Variants in PNRC1 observed in about 807,000 individuals in gnomAD.
PNRC1 encodes the protein proline rich nuclear receptor coactivator 1.
Under a neutral mutation model 20.2 loss-of-function variants are expected in PNRC1, and 6 were observed. The observed-to-expected ratio is 0.30, with a 90% CI of 0.16 to 0.59. PNRC1 has a LOEUF of 0.59. PNRC1 is among the 20% of genes least tolerant of loss of function. The pLI, the probability that PNRC1 is intolerant of heterozygous loss-of-function variation, is 0.89. For synonymous variants in PNRC1, 202 were observed against 186.9 expected (o/e 1.08, Z -0.66); for missense variants, 488 against 430.2 (o/e 1.13, Z -1.19).
chr6:89,081,612 A>C (rs925675500), intron 1 of PNRC1, among the ~76,000 whole-genome samples, 178 bp downstream of exon 1: 1 of 151,380 alleles, frequency 6.6e-6, no homozygotes, highest in African/African-American at 2.4e-5. Context: ...TGGGGGAAGA[A>C]GGGGGAAGGG....
In PNRC1 at chr6:89,081,166, G is replaced by C. The variant is rs769003319; in HGVS notation, c.272G>C (p.Arg91Pro). The C allele has an allele frequency of 1.9e-6, 3 of 1,595,924 alleles. No individual in the cohort carries two copies. In the South Asian group the frequency reaches 3.3e-5, roughly 18 times the overall value. ...CTCGCCGTGGCGGGAGGCACTCCTC[G>C]GGCAGCGCCGAAGAAGCGGCGAAAG... ...RSLAVAGGTP[R>P]AAPKKRRKKK... The change falls in exon 1 of 2, where the codon CGG becomes CCG. Residue 91 changes from arginine to proline, a missense_variant. Transcript: ENST00000336032.
chr6:89,081,238 A>G lies in PNRC1; in HGVS notation c.344A>G (p.His115Arg). The change falls in exon 1 of 2, where the codon CAC becomes CGC. Residue 115 changes from histidine to arginine, a missense_variant. Physicochemically the swap from His to Arg is conservative, Grantham distance 29. Transcript: ENST00000336032. ...SPAGQLPSRF[H>R]QYQQHRPSLE... ...GCAGGGCAGCTGCCCAGCCGCTTCC[A>G]CCAGTACCAGCAGCACCGGCCGAGT... The G allele has an allele frequency of 6.4e-7, 1 of 1,553,150 alleles. No individual in the cohort carries two copies.
Position 89,084,340 on chromosome 6 carries a change from GTATTA to G in PNRC1, c.*149_*153del, listed in dbSNP as rs1416579698. ...TTAAAAAATTACATACAAACAGCTTGTATTATATTTTATATTTTGTAAATACTGTA... is the reference window on the plus strand; with the variant it reads ...TTAAAAAATTACATACAAACAGCTTGTATTTTATATTTTGTAAATACTGTA... On this transcript the variant is annotated 3_prime_UTR_variant, in exon 2 of 2. Transcript: ENST00000336032. 1.0e-5 allele frequency: 6 copies of G among 586,880 alleles called. No homozygotes were observed. The highest frequency in any genetic ancestry group is 3.5e-5 in the Admixed American group (1 of 28,776). 36.4% of individuals were successfully genotyped at this position (586,880 alleles called of 1,614,324 possible).
rs1467887861 is a variant in PNRC1, at chr6:89,084,384, G to A, written c.*188G>A. 8 of 514,228 alleles carry A rather than the reference G, an allele frequency of 1.6e-5. No homozygotes were observed. Among genetic ancestry groups the A allele is most frequent in the Non-Finnish European group, 2.8e-5 (8 of 286,762 alleles). The allele number at this position is 514,228 out of a possible 1,614,324, so 31.9% of individuals were successfully genotyped here. On this transcript the variant is annotated 3_prime_UTR_variant, in exon 2 of 2. Coordinates refer to ENST00000336032, the MANE Select transcript of PNRC1 (RefSeq NM_006813.3). ...GTAAATACTGTATACCATGTATTAT[G>A]TGTATATTGTTCATACTTGAGAGGT...
At chr6:89,083,475 T>A (rs1029391982) in intron 1 of PNRC1, among the ~76,000 whole-genome samples, 6 of 152,178 alleles carry the variant, frequency 3.9e-5, no homozygotes, top group Non-Finnish European at 7.3e-5. Context: ...GTGCCTAGTG[T>A]CTGTTGTTGT....
Position 89,084,412 on chromosome 6 carries a change from A to G in PNRC1, c.*216A>G. ...TATATTGTTCATACTTGAGAGGTAT[A>G]TTATAGTTTTGTTATGAAAGTATGT... On this transcript the variant is annotated 3_prime_UTR_variant, in exon 2 of 2. Coordinates refer to ENST00000336032, the MANE Select transcript of PNRC1 (RefSeq NM_006813.3). 2.4e-6 allele frequency: 1 copy of G among 414,774 alleles called. No individual in the cohort carries two copies. The highest frequency in any genetic ancestry group is 4.4e-6 in the Non-Finnish European group (1 of 227,610). 25.7% of individuals were successfully genotyped at this position (414,774 alleles called of 1,614,324 possible).
chr6:89,083,331 A>AG (rs1236020656), intron 1 of PNRC1, among the ~76,000 whole-genome samples: 1 of 152,188 alleles, frequency 6.6e-6, no homozygotes, highest in Non-Finnish European at 1.5e-5. Context: ...TTTTAGATCA[A>AG]GGAGGTACTT....
At chr6:89,083,262 T>G (rs1271537525) in intron 1 of PNRC1, among the ~76,000 whole-genome samples, 1 of 152,264 alleles carries the variant, frequency 6.6e-6, no homozygotes, top group Admixed American at 6.5e-5. Context: ...CCCAAAGTGC[T>G]GGGATTACAG....
chr6:89,084,310 T>G lies in PNRC1; in HGVS notation c.*114T>G. The G allele has an allele frequency of 3.0e-6, 2 of 659,482 alleles. No homozygotes were observed. The highest frequency in any genetic ancestry group is 5.1e-6 in the Non-Finnish European group (2 of 389,252). The allele number at this position is 659,482 out of a possible 1,614,324, so 40.9% of individuals were successfully genotyped here. ...TGTTGCAACATACAATTGCAAAAGA[T>G]GAGTTTAAAAAATTACATACAAACA... On this transcript the variant is annotated 3_prime_UTR_variant, in exon 2 of 2. Coordinates refer to ENST00000336032, the MANE Select transcript of PNRC1 (RefSeq NM_006813.3).
Position 89,081,093 on chromosome 6 carries a change from T to C in PNRC1, c.199T>C (p.Cys67Arg), listed in dbSNP as rs1447809213. 9 of 1,609,614 alleles carry C rather than the reference T, an allele frequency of 5.6e-6. No homozygotes were observed. The highest frequency in any genetic ancestry group is 7.6e-6 in the Non-Finnish European group (9 of 1,179,774). ...TCATTTCCTAGGGGGAGATGGCCCG[T>C]GTCTGACCCCCCAGCCTCGCGCTCC... ...LPHFLGGDGP[C>R]LTPQPRAPAA... Residue 67 changes from cysteine to arginine, a missense_variant, in exon 1 of 2, where the codon TGT becomes CGT. Transcript: ENST00000336032.
chr6:89,081,429 A>G lies in PNRC1; in HGVS notation c.535A>G (p.Lys179Glu). The change falls in exon 1 of 2, where the codon AAA (lysine) becomes GAA (glutamate). Residue 179 changes from lysine (K) to glutamate (E), a missense_variant. By Grantham distance (56) the Lys-to-Glu change is moderately conservative. Coordinates refer to ENST00000336032, the MANE Select transcript of PNRC1 (RefSeq NM_006813.3). ...GGCTCCCGGCCAAACCCCCCTCAGG[A>G]AAGAGGTGAGGCCGCCAGGGGGCCG... is the stretch of plus-strand genomic sequence containing the variant. ...PAAPGQTPLR[K>E]EVLKSKMGKS... 2 of 1,324,422 alleles carry G rather than the reference A, an allele frequency of 1.5e-6. 1 individual carries two copies. Among genetic ancestry groups the G allele is most frequent in the South Asian group, 4.0e-5 (2 of 49,910 alleles). 82.0% of individuals were successfully genotyped at this position (1,324,422 alleles called of 1,614,324 possible).
At chr6:89,083,611 G>C in intron 1 of PNRC1, 142 bp from the exon 2 acceptor site, 1 of 610,860 alleles carries the variant, frequency 1.6e-6, no homozygotes. Context: ...AGCTACATAC[G>C]TGTTGTCACA....
chr6:89,081,549 G>GGGGGGGGGGGGGGGGGGGGCCC, intron 1 of PNRC1, 115 bp downstream of exon 1: 1 of 182,296 alleles, frequency 5.5e-6, no homozygotes, highest in East Asian at 1.7e-4. Flanking sequence ...GGTGGGGGGG[G>GGGGGGGGGGGGGGGGGGGGCCC]CGGCTGTTTA....
In PNRC1 at chr6:89,081,397, G is replaced by T. The variant is rs1454035970; in HGVS notation, c.503G>T (p.Arg168Leu). 1.5e-6 allele frequency: 2 copies of T among 1,349,512 alleles called. No homozygotes were observed. The highest frequency in any genetic ancestry group is 1.9e-6 in the Non-Finnish European group (2 of 1,059,040). The allele number at this position is 1,349,512 out of a possible 1,614,324, so 83.6% of individuals were successfully genotyped here. Residue 168 changes from arginine (R) to leucine (L), a missense_variant, in exon 1 of 2, where the codon CGG (arginine) becomes CTG (leucine). Physicochemically the swap from Arg to Leu is moderately radical, Grantham distance 102. Coordinates refer to ENST00000336032, the MANE Select transcript of PNRC1 (RefSeq NM_006813.3). ...GCCAGCCCCGACCTTGCCCCGCTGC[G>T]GCCCGCGGCTCCCGGCCAAACCCCC... ...EGASPDLAPL[R>L]PAAPGQTPLR...
chr6:89,083,326 G>T (rs886357549), intron 1 of PNRC1, among the ~76,000 whole-genome samples: 1 of 152,142 alleles, frequency 6.6e-6, no homozygotes, highest in African/African-American at 2.4e-5. Flanking sequence ...TTTTATTTTA[G>T]ATCAAGGAGG....
intron 1 of PNRC1, among the ~76,000 whole-genome samples, chr6:89,083,129 C>G (rs1768040390): frequency 6.6e-6 from 1 of 152,102 alleles, no homozygotes. Flanking sequence ...CTCAGCCAGC[C>G]TCCCGAGGCG....
chr6:89,081,526 CGGGTGGGGGCG>C (rs1361091601), intron 1 of PNRC1, 92 bp downstream of exon 1: 1 of 3,040 alleles, frequency 3.3e-4, no homozygotes, highest in Non-Finnish European at 6.2e-4. Context: ...GGGGGTCGGG[CGGGTGGGGGCG>C]GGGTGGGGGG....
chr6:89,083,639 C>T, intron 1 of PNRC1, 114 bp from the exon 2 acceptor site: 1 of 749,876 alleles, frequency 1.3e-6, no homozygotes, highest in Non-Finnish European at 2.1e-6. Flanking sequence ...TAATTTTGTT[C>T]TTTTCTATGG....
Position 89,080,812 on chromosome 6 carries a change from T to C in PNRC1, c.-83T>C. 1 of 1,348,282 alleles carries C rather than the reference T, an allele frequency of 7.4e-7. No individual in the cohort carries two copies. The highest frequency in any genetic ancestry group is 1.0e-6 in the Non-Finnish European group (1 of 958,728). 83.5% of individuals were successfully genotyped at this position (1,348,282 alleles called of 1,614,324 possible). ...ATCTTCTCAGGCTCTCCTAGCAGCA[T>C]CCATCGCCGCCACCCTATCTTCACT... On this transcript the variant is annotated 5_prime_UTR_variant, in exon 1 of 2. Transcript: ENST00000336032.
Sources: gnomAD v4.1 joint callset for allele counts (sites outside exome capture counted in the v4.1 genomes callset) on GRCh38, gnomAD v4.1.1 for gene constraint, MANE v1.5 for transcripts, NCBI Gene and HGNC (gene_info 2026-07-23, HGNC 2026-07-21) for gene names.